The following HIC1 variants were observed in gnomAD, a reference collection of about 807,000 sequenced individuals.
HIC1 encodes hypermethylated in cancer 1 protein.
In HIC1, 9 loss-of-function variants were observed where a neutral mutation model predicts 26.4. The ratio of observed to expected loss-of-function variants is 0.34; its 90% CI spans 0.21 to 0.59. The LOEUF (loss-of-function observed/expected upper bound fraction) is 0.59. HIC1 is among the 20% of genes least tolerant of loss of function. The pLI is 0.82. For missense variants in HIC1, 965 were observed against 1,075.7 expected (o/e 0.90, Z 1.44); for synonymous variants, 631 against 523.1 (o/e 1.21, Z -2.81).
intron 1 of HIC1, chr17:2,056,136 G>A (rs1273028507): frequency 3.2e-5 from 11 of 346,812 alleles, no homozygotes; most frequent in Non-Finnish European, 5.1e-5. Context: ...CCGCGCGGCC[G>A]CCGCCCGGGC....
rs1040148764 is a variant in HIC1 at position 2,055,639 on chromosome 17, G to A, written c.-21+401G>A. On this transcript the variant is annotated intron_variant, in intron 1 of 1. Coordinates refer to ENST00000619757, the MANE Select transcript of HIC1 (RefSeq NM_006497.4). This position sits in a 1 kb window ranked among gnomAD's most constrained non-coding sequence, Gnocchi z 6.4. ...GCCGGGACCGCAGGTAACGGGCCGC[G>A]GGGCCCCGCGGGCCAGGAGGGGAAC... Among the ~76,000 whole-genome samples the A allele has an allele frequency of 6.6e-6, 1 of 150,688 alleles. No individual in the cohort carries two copies. Among genetic ancestry groups the A allele is most frequent in the Non-Finnish European group, 1.5e-5 (1 of 67,424 alleles).
chr17:2,056,544 C>T, intron 1 of HIC1, 127 bp from the exon 2 acceptor site: 1 of 1,396,868 alleles, frequency 7.2e-7, no homozygotes, highest in Non-Finnish European at 9.6e-7. Context: ...TTCGCCGGTG[C>T]CCAGGCCGCA....
At chr17:2,056,227 A>C in intron 1 of HIC1, 3 of 1,224,734 alleles carry the variant, frequency 2.4e-6, no homozygotes, top group Admixed American at 3.4e-5. Flanking sequence ...CACTTCCCCC[A>C]ACTGGGGCAA....
In HIC1 at chr17:2,057,157, G is replaced by A. The variant is rs1300861331; in HGVS notation, c.467G>A (p.Gly156Asp). The change falls in exon 2 of 2, where the codon GGC (glycine) becomes GAC (aspartate). Residue 156 changes from glycine to aspartate, a missense_variant. Physicochemically the swap from Gly to Asp is moderately conservative, Grantham distance 94 (BLOSUM62 -1). This residue lies in a region of HIC1 where 526 missense variants were observed against 525.0 expected (regional missense o/e 1.00). Coordinates refer to ENST00000619757, the MANE Select transcript of HIC1 (RefSeq NM_006497.4). ...GGCTACGCGCCCTATGGTCGGCCGGGCCGGGGCCTGCGGGCCGCCACGCCG... is the reference window on the plus strand; with the variant it reads ...GGCTACGCGCCCTATGGTCGGCCGGACCGGGGCCTGCGGGCCGCCACGCCG... ...GGGYAPYGRP[G>D]RGLRAATPVI... is the part of the protein sequence containing the mutation. 10 of 1,321,608 alleles carry A rather than the reference G, an allele frequency of 7.6e-6. No individual in the cohort carries two copies. Among genetic ancestry groups the A allele is most frequent in the Non-Finnish European group, 9.6e-6 (10 of 1,043,028 alleles). The allele number at this position is 1,321,608 out of a possible 1,614,324, so 81.9% of individuals were successfully genotyped here.
chr17:2,056,171 GGCCAGGGCGGC>G (rs1242730318), intron 1 of HIC1: 26 of 709,894 alleles, frequency 3.7e-5, no homozygotes, highest in East Asian at 1.4e-4. Context: ...GACAGCCCCC[GGCCAGGGCGGC>G]GCCAGGGCGG....
chr17:2,058,664 C>G lies in HIC1; in HGVS notation c.1974C>G (p.Thr658=). ...KAAAAELLAQ[T]THFLHDPKVA... The stretch of plus-strand genomic sequence containing the variant: ...CCGCGGCCGAGCTGCTGGCGCAGAC[C>G]ACGCACTTCCTGCACGACCCCAAGG... Residue 658 remains threonine, a synonymous_variant, in exon 2 of 2, where the codon ACC becomes ACG. Transcript: ENST00000619757. 6.4e-7 allele frequency: 1 copy of G among 1,562,794 alleles called. No individual in the cohort carries two copies.
Position 2,058,229 on chromosome 17 carries a change from C to T in HIC1, c.1539C>T (p.Thr513=). ...AGCACGAGAAGACGCACTGGCTGAC[C>T]CGGCCCTACCCATGCACCATCTGCG... ...LRQHEKTHWL[T]RPYPCTICGK... is the part of the protein sequence containing the mutation. Residue 513 remains threonine, a synonymous_variant, in exon 2 of 2, where the codon ACC becomes ACT. Transcript: ENST00000619757. 2.5e-6 allele frequency: 4 copies of T among 1,611,742 alleles called. No individual in the cohort carries two copies. Among genetic ancestry groups the T allele is most frequent in the Non-Finnish European group, 3.4e-6 (4 of 1,179,790 alleles).
At position 2,057,878 on chromosome 17, in the gene HIC1, C is replaced by G; in HGVS notation, c.1188C>G (p.His396Gln). The part of the protein sequence containing the change: ...SSEDPSPPGG[H>Q]LEGYPCPHLA... ...AGGACCCCAGCCCGCCTGGCGGCCA[C>G]CTCGAGGGCTACCCATGCCCGCACC... The change falls in exon 2 of 2, where the codon CAC (histidine) becomes CAG (glutamine). Residue 396 changes from histidine (H) to glutamine (Q), a missense_variant. Physicochemically the swap from His to Gln is conservative, Grantham distance 24. Transcript: ENST00000619757. 8.8e-6 allele frequency: 14 copies of G among 1,599,134 alleles called. No homozygotes were observed. The highest frequency in any genetic ancestry group is 1.2e-5 in the Non-Finnish European group (14 of 1,173,652).
At position 2,057,903 on chromosome 17, in the gene HIC1, C is replaced by G. The variant is rs772948679; in HGVS notation, c.1213C>G (p.Leu405Val). Reference sequence around the variant, plus strand: ...CCTCGAGGGCTACCCATGCCCGCACCTGGCCTATGGCGAGCCCGAGAGCTT... The same window carrying G: ...CCTCGAGGGCTACCCATGCCCGCACGTGGCCTATGGCGAGCCCGAGAGCTT... ...GHLEGYPCPH[L>V]AYGEPESFGD... The change falls in exon 2 of 2, where the codon CTG (leucine) becomes GTG (valine). Residue 405 changes from leucine to valine, a missense_variant. By Grantham distance (32) the Leu-to-Val change is conservative. Transcript: ENST00000619757. 19 of 1,606,350 alleles carry G rather than the reference C, an allele frequency of 1.2e-5. No individual in the cohort carries two copies. The highest frequency in any genetic ancestry group is 1.6e-4 in the Middle Eastern group (1 of 6,070).
intron 1 of HIC1, chr17:2,056,275 C>T (rs1394533962): frequency 1.9e-6 from 3 of 1,600,402 alleles, no homozygotes; most frequent in East Asian, 2.2e-5. Context: ...CCTCGGCTCC[C>T]TTTCTCCCTA....
rs941122036 is a variant in HIC1, at chr17:2,058,979, A to C, written c.*144A>C. ...GGCGGCTCCACCTCTCGGCGGCCTC[A>C]CCTGGCCTCACTGCTTCGTGCCTTA... On this transcript the variant is annotated 3_prime_UTR_variant, in exon 2 of 2. Coordinates refer to ENST00000619757, the MANE Select transcript of HIC1 (RefSeq NM_006497.4). 4 of 687,296 alleles carry C rather than the reference A, an allele frequency of 5.8e-6. No homozygotes were observed. The highest frequency in any genetic ancestry group is 8.9e-6 in the Non-Finnish European group (4 of 448,752). 42.6% of individuals were successfully genotyped at this position (687,296 alleles called of 1,614,324 possible).
chr17:2,061,553 A>G lies in HIC1; in HGVS notation c.*2718A>G. ...GTCCCGTACAGGAACATTCCTTGTG[A>G]GCGCCTTCACACGCAGGTTCCGGTC... On this transcript the variant is annotated 3_prime_UTR_variant, in exon 2 of 2. Transcript: ENST00000619757. 6.4e-7 allele frequency: 1 copy of G among 1,573,448 alleles called. No individual in the cohort carries two copies. The highest frequency in any genetic ancestry group is 1.7e-4 in the Middle Eastern group (1 of 6,006).
Position 2,058,081 on chromosome 17 carries a change from G to A in HIC1, c.1391G>A (p.Gly464Glu). 1 of 1,587,508 alleles carries A rather than the reference G, an allele frequency of 6.3e-7. No homozygotes were observed. Among genetic ancestry groups the A allele is most frequent in the Non-Finnish European group, 8.5e-7 (1 of 1,169,684 alleles). The change falls in exon 2 of 2, where the codon GGG (glycine) becomes GAG (glutamate). Residue 464 changes from glycine (G) to glutamate (E), a missense_variant. Gly to Glu is a moderately conservative substitution (Grantham distance 98). Coordinates refer to ENST00000619757, the MANE Select transcript of HIC1 (RefSeq NM_006497.4). Reference sequence around the variant, plus strand: ...GTGGCCGCTGGGGCCGCCGGCCTAGGGCCCCCTTTTGGAGGCGGCGGGGAC... The same window carrying A: ...GTGGCCGCTGGGGCCGCCGGCCTAGAGCCCCCTTTTGGAGGCGGCGGGGAC... Reference protein sequence around the residue: ...AEVAAGAAGLGPPFGGGGDKV... With the variant: ...AEVAAGAAGLEPPFGGGGDKV...
chr17:2,061,192 A>C lies in HIC1; in HGVS notation c.*2357A>C. ...AGCCTTGGAATGAGACGGGGGAGGG[A>C]GAAAGGCTGAGAGCATGGGCGGCCT... On this transcript the variant is annotated 3_prime_UTR_variant, in exon 2 of 2. Transcript: ENST00000619757. The C allele has an allele frequency of 3.3e-6, 1 of 305,352 alleles. No homozygotes were observed. The highest frequency in any genetic ancestry group is 6.3e-6 in the Non-Finnish European group (1 of 157,666). 18.9% of individuals were successfully genotyped at this position (305,352 alleles called of 1,614,324 possible).
In HIC1 at chr17:2,056,832, G is replaced by C; in HGVS notation, c.142G>C (p.Ala48Pro). 1 of 1,612,880 alleles carries C rather than the reference G, an allele frequency of 6.2e-7. No individual in the cohort carries two copies. Among genetic ancestry groups the C allele is most frequent in the Non-Finnish European group, 8.5e-7 (1 of 1,179,918 alleles). ...CCGCGCGCACAAGAACGTGCTGGCG[G>C]CCAGCAGCGCCTACCTCAAGTCCCT... ...LFRAHKNVLA[A>P]SSAYLKSLVV... is the part of the protein sequence containing the mutation. Residue 48 changes from alanine (A) to proline (P), a missense_variant, in exon 2 of 2, where the codon GCC (alanine) becomes CCC (proline). Physicochemically the swap from Ala to Pro is conservative, Grantham distance 27. This residue lies in a region of HIC1 where 64 missense variants were observed against 114.0 expected (regional missense o/e 0.56). Transcript: ENST00000619757.
rs1472593197 is a variant in HIC1 at position 2,061,718 on chromosome 17, G to A, written c.*2883G>A. On this transcript the variant is annotated 3_prime_UTR_variant, in exon 2 of 2. Coordinates refer to ENST00000619757, the MANE Select transcript of HIC1 (RefSeq NM_006497.4). ...TGGAGAATGTGGTCCTGGGGAGGGGGTGCCACGCTAGCCGTGTCTTGGCTC... is the reference window on the plus strand; with the variant it reads ...TGGAGAATGTGGTCCTGGGGAGGGGATGCCACGCTAGCCGTGTCTTGGCTC... 8.0e-6 allele frequency: 11 copies of A among 1,377,984 alleles called. No homozygotes were observed. The South Asian group carries it at 1.2e-4, about 15-fold the overall frequency. 85.4% of individuals were successfully genotyped at this position (1,377,984 alleles called of 1,614,324 possible).
In HIC1 at chr17:2,059,229, A is replaced by C; in HGVS notation, c.*394A>C. The C allele has an allele frequency of 5.3e-6, 1 of 189,428 alleles. No homozygotes were observed. The highest frequency in any genetic ancestry group is 1.2e-5 in the Non-Finnish European group (1 of 83,626). 11.7% of individuals were successfully genotyped at this position (189,428 alleles called of 1,614,324 possible). ...GGCCCTTGCGACCACACCCATTCTCACTGTGAATCTCCCCGCTGGGGTCGG... is the reference window on the plus strand; with the variant it reads ...GGCCCTTGCGACCACACCCATTCTCCCTGTGAATCTCCCCGCTGGGGTCGG... On this transcript the variant is annotated 3_prime_UTR_variant, in exon 2 of 2. Transcript: ENST00000619757.
At position 2,056,172 on chromosome 17, in the gene HIC1, G is replaced by A. The variant is rs562924496; in HGVS notation, c.-20-499G>A. ...CCCGACCGAGGGTTGACAGCCCCCG[G>A]CCAGGGCGGCGCCAGGGCGGGCACC... On this transcript the variant is annotated intron_variant, in intron 1 of 1. Transcript: ENST00000619757. 385 of 717,450 alleles carry A rather than the reference G, an allele frequency of 5.4e-4. 3 individuals carry two copies. In the East Asian group the frequency reaches 0.01, roughly 19 times the overall value. 44.4% of individuals were successfully genotyped at this position (717,450 alleles called of 1,614,324 possible).
In HIC1 at chr17:2,061,374, T is replaced by G; in HGVS notation, c.*2539T>G. ...GGCCGTGGCGTGGGTTGGAAGAGGA[T>G]GGTTTATTGTCTGGGTGGATTGGTG... On this transcript the variant is annotated 3_prime_UTR_variant, in exon 2 of 2. Coordinates refer to ENST00000619757, the MANE Select transcript of HIC1 (RefSeq NM_006497.4). 17 of 972,082 alleles carry G rather than the reference T, an allele frequency of 1.7e-5. No homozygotes were observed. The highest frequency in any genetic ancestry group is 2.8e-5 in the East Asian group (1 of 36,154). 60.2% of individuals were successfully genotyped at this position (972,082 alleles called of 1,614,324 possible).
Sources: gnomAD v4.1 joint callset for allele counts (sites outside exome capture counted in the v4.1 genomes callset) on GRCh38, gnomAD v4.1.1 for gene constraint, gnomAD v4.1.1 regional missense constraint, Gnocchi (gnomAD v3.1) non-coding constraint, MANE v1.5 for transcripts, NCBI Gene and HGNC (gene_info 2026-07-23, HGNC 2026-07-21) for gene names.